The following FAM210A variants were observed in gnomAD, a reference collection of about 807,000 sequenced individuals.
FAM210A encodes family with sequence similarity 210 member A.
FAM210A carries 13 observed loss-of-function variants against 25.3 expected under a neutral mutation model. That is an observed-to-expected ratio of 0.51 (90% confidence interval 0.33 to 0.82). The LOEUF is 0.82. FAM210A is among the 40% of genes least tolerant of loss of function. The pLI is 0.02. For missense variants in FAM210A, 319 were observed against 323.2 expected, an observed-to-expected ratio of 0.99 and a Z score of 0.10; for synonymous variants, 125 against 118.7, an observed-to-expected ratio of 1.05 and a Z score of -0.35.
At chr18:13,675,226 T>A (rs369911360) in intron 2 of FAM210A, among the ~76,000 whole-genome samples, 9 of 139,994 alleles carry the variant, frequency 6.4e-5, no homozygotes, top group African/African-American at 1.3e-4. Context: ...CTTTATTTCC[T>A]GTTTCCTGAT....
intron 3 of FAM210A, among the ~76,000 whole-genome samples, chr18:13,670,055 C>T (rs1430364538): frequency 1.3e-5 from 2 of 152,184 alleles, no homozygotes; most frequent in African/African-American, 4.8e-5. Context: ...CCTACAGCCT[C>T]ATTTTCAATC....
intron 3 of FAM210A, among the ~76,000 whole-genome samples, chr18:13,668,511 G>T (rs1450590660): frequency 3.9e-5 from 6 of 152,122 alleles, no homozygotes; most frequent in African/African-American, 1.4e-4. Context: ...CTTTTCCCCT[G>T]AATTCCAGTA....
chr18:13,710,712 C>A (rs1003371229), intron 1 of FAM210A, among the ~76,000 whole-genome samples: 1 of 152,146 alleles, frequency 6.6e-6, no homozygotes, highest in African/African-American at 2.4e-5. Context: ...ACAGGCTGGG[C>A]ACACAAAGAC....
In FAM210A at chr18:13,666,673, G is replaced by A. The variant is rs760751853; in HGVS notation, c.626C>T (p.Thr209Ile). 1 of 1,614,122 alleles carries A rather than the reference G, an allele frequency of 6.2e-7. No homozygotes were observed. Among genetic ancestry groups the A allele is most frequent in the Non-Finnish European group, 8.5e-7 (1 of 1,180,014 alleles). The change falls in exon 4 of 4, where the codon ACA (threonine) becomes ATA (isoleucine). Residue 209 changes from threonine to isoleucine, a missense_variant. Physicochemically the swap from Thr to Ile is moderately conservative, Grantham distance 89. Transcript: ENST00000651643. ...GCGCAGATACTTCACAGTGACAGAT[G>A]TTCCTCCCAAAGTCACGGTATACCG... ...PARYTVTLGG[T>I]SVTVKYLRSH...
chr18:13,715,487 C>G (rs1046653981), intron 1 of FAM210A: 7 of 152,208 alleles, frequency 4.6e-5, no homozygotes, highest in Admixed American at 2.6e-4. Context: ...TGTGATTGCA[C>G]TAATACATAT....
intron 1 of FAM210A, among the ~76,000 whole-genome samples, chr18:13,724,227 T>C (rs935228717): frequency 6.6e-6 from 1 of 152,182 alleles, no homozygotes; most frequent in Admixed American, 6.5e-5. Flanking sequence ...CAAAACACTT[T>C]CTGAAAAATC....
chr18:13,675,657 CT>C (rs1272300659), intron 2 of FAM210A, among the ~76,000 whole-genome samples: 8 of 121,250 alleles, frequency 6.6e-5, no homozygotes, highest in African/African-American at 1.8e-4. Context: ...TTCCTGAGCC[CT>C]GGCTTCTTTA....
rs1197219857 is a variant in FAM210A at position 13,681,851 on chromosome 18, G to A, written c.227C>T (p.Pro76Leu). ...KERRPLDAHP[P>L]QPGVLRHKQG... ...CTTATGGCGAAGGACTCCTGGTTGG[G>A]GTGGATGAGCATCCAATGGCCTCCT... The change falls in exon 2 of 4, where the codon CCC becomes CTC. Residue 76 changes from proline (P) to leucine (L), a missense_variant. Physicochemically the swap from Pro to Leu is moderately conservative, Grantham distance 98. Coordinates refer to ENST00000651643, the MANE Select transcript of FAM210A (RefSeq NM_152352.4). The A allele has an allele frequency of 2.5e-6, 4 of 1,614,186 alleles. No homozygotes were observed. Among genetic ancestry groups the A allele is most frequent in the Non-Finnish European group, 3.4e-6 (4 of 1,180,034 alleles).
At chr18:13,682,591 A>C (rs1011477687) in intron 1 of FAM210A, among the ~76,000 whole-genome samples, 1 of 152,062 alleles carries the variant, frequency 6.6e-6, no homozygotes, top group Non-Finnish European at 1.5e-5. Context: ...AAAATAAGCC[A>C]GGTGAGGTGG....
chr18:13,722,808 A>G (rs140057830), intron 1 of FAM210A, among the ~76,000 whole-genome samples: 4 of 151,514 alleles, frequency 2.6e-5, no homozygotes, highest in East Asian at 1.9e-4. Context: ...TGGAGCTTCA[A>G]TCGGGAATTT....
chr18:13,709,242 G>A (rs145313562), intron 1 of FAM210A, among the ~76,000 whole-genome samples: 11 of 152,124 alleles, frequency 7.2e-5, no homozygotes, highest in East Asian at 3.9e-4. Context: ...AGTAACAGCC[G>A]AAGTCCTTAA....
chr18:13,711,018 A>T (rs935123321), intron 1 of FAM210A, among the ~76,000 whole-genome samples: 1 of 152,176 alleles, frequency 6.6e-6, no homozygotes, highest in African/African-American at 2.4e-5. Context: ...TCAAGAAAGT[A>T]GGTCTTTATG....
At chr18:13,673,723 C>A (rs2043464731) in intron 2 of FAM210A, among the ~76,000 whole-genome samples, 1 of 149,840 alleles carries the variant, frequency 6.7e-6, no homozygotes, top group Non-Finnish European at 1.5e-5. Flanking sequence ...ATTAACATTC[C>A]TGAGCCCCGA....
chr18:13,696,697 T>C (rs2043697108), intron 1 of FAM210A, among the ~76,000 whole-genome samples: 1 of 152,202 alleles, frequency 6.6e-6, no homozygotes, highest in Non-Finnish European at 1.5e-5. Flanking sequence ...GCCTTCATTT[T>C]TAACAAAAAG....
chr18:13,675,636 G>C (rs61209401), intron 2 of FAM210A, among the ~76,000 whole-genome samples: 4,596 of 125,426 alleles, frequency 0.037, 280 homozygotes, highest in African/African-American at 0.14. Flanking sequence ...CCAGTTTCCT[G>C]ATTATTAACA....
At chr18:13,701,990 C>T (rs962610377) in intron 1 of FAM210A, among the ~76,000 whole-genome samples, 2 of 152,178 alleles carry the variant, frequency 1.3e-5, no homozygotes, top group Admixed American at 6.5e-5. Flanking sequence ...GATAATTTGG[C>T]GCCCCCATGC....
chr18:13,707,924 C>T (rs1226130531), intron 1 of FAM210A, among the ~76,000 whole-genome samples: 1 of 151,888 alleles, frequency 6.6e-6, no homozygotes, highest in Non-Finnish European at 1.5e-5. Flanking sequence ...AAATCTTCTT[C>T]CACCACATGG....
chr18:13,688,229 G>T (rs912753489), intron 1 of FAM210A, among the ~76,000 whole-genome samples: 3 of 152,172 alleles, frequency 2.0e-5, no homozygotes, highest in African/African-American at 7.2e-5. Context: ...CCCAAAGTGA[G>T]AACTTCCAAA....
intron 3 of FAM210A, among the ~76,000 whole-genome samples, chr18:13,670,344 T>A (rs2043431753): frequency 6.6e-6 from 1 of 152,214 alleles, no homozygotes. Context: ...TGATAATTTT[T>A]AAATTTAATA....
Sources: allele counts gnomAD v4.1 joint callset (sites outside exome capture counted in the v4.1 genomes callset), GRCh38; gene constraint gnomAD v4.1.1; transcripts MANE v1.5; gene names NCBI Gene and HGNC (gene_info 2026-07-23, HGNC 2026-07-21).